Variants in MLLT10 observed in about 807,000 individuals in gnomAD.
The protein encoded by MLLT10 is MLLT10 histone lysine methyltransferase DOT1L cofactor.
In MLLT10, 30 loss-of-function variants were observed where a neutral mutation model predicts 129.1. That is an observed-to-expected ratio of 0.23 (90% confidence interval 0.17 to 0.32). MLLT10 has a LOEUF of 0.32. Among genes scored for constraint, MLLT10 ranks in the 10% least tolerant of loss-of-function variants. The pLI is 1.00. For synonymous variants in MLLT10, 490 were observed against 446.4 expected, an observed-to-expected ratio of 1.10 and a Z score of -1.23; for missense variants, 1,119 against 1,268.3, an observed-to-expected ratio of 0.88 and a Z score of 1.79.
At chr10:21,576,995 C>G (rs773603407) in intron 3 of MLLT10, among the ~76,000 whole-genome samples, 3 of 152,176 alleles carry the variant, frequency 2.0e-5, no homozygotes, top group Non-Finnish European at 4.4e-5. Flanking sequence ...TGTATCCCCT[C>G]AAGAAGAAGC....
At position 21,740,227 on chromosome 10, in the gene MLLT10, G is replaced by A. The variant is rs2058711884; in HGVS notation, c.3153G>A (p.Gln1051=). ...FLTIHGDNAS[Q]KVARLSDKTG... is the part of the protein sequence containing the mutation. The stretch of plus-strand genomic sequence containing the variant: ...CCATCCATGGAGATAATGCAAGTCA[G>A]AAAGTAGCAGTAAGTATATTTTCCT... Residue 1051 remains glutamine, a synonymous_variant, in exon 22 of 23, where the codon CAG becomes CAA. Coordinates refer to ENST00000307729, the MANE Select transcript of MLLT10 (RefSeq NM_001195626.3). 2 of 1,613,972 alleles carry A rather than the reference G, an allele frequency of 1.2e-6. No homozygotes were observed. The highest frequency in any genetic ancestry group is 1.3e-5 in the African/African-American group (1 of 75,032).
At chr10:21,625,451 A>C in intron 8 of MLLT10, 2 of 967,246 alleles carry the variant, frequency 2.1e-6, no homozygotes, top group South Asian at 2.6e-5. Context: ...CTTAGCCATG[A>C]CTTCTGGATA....
chr10:21,686,943 A>G (rs2053359804), intron 13 of MLLT10, among the ~76,000 whole-genome samples: 1 of 152,184 alleles, frequency 6.6e-6, no homozygotes, highest in African/African-American at 2.4e-5. Flanking sequence ...AGATCGCGCC[A>G]CTGCATTCCA....
chr10:21,624,794 CT>C (rs2046261177), intron 8 of MLLT10: 4 of 1,073,154 alleles, frequency 3.7e-6, no homozygotes, highest in East Asian at 2.4e-5. Flanking sequence ...ACATTGTCCC[CT>C]GATTGCCCTG....
intron 3 of MLLT10, among the ~76,000 whole-genome samples, chr10:21,570,729 GTTTC>G (rs2040112030): frequency 6.6e-6 from 1 of 151,592 alleles, no homozygotes; most frequent in African/African-American, 2.4e-5. Context: ...TAATATATTT[GTTTC>G]TTCTAGCCTT....
At chr10:21,540,927 A>C (rs190387029) in intron 3 of MLLT10, among the ~76,000 whole-genome samples, 1 of 152,246 alleles carries the variant, frequency 6.6e-6, no homozygotes, top group Admixed American at 6.5e-5. Context: ...TGGGAGGCCA[A>C]AGTGGGTGGA....
At chr10:21,693,141 TTTTATAC>T (rs2054034674) in intron 13 of MLLT10, among the ~76,000 whole-genome samples, 1 of 152,206 alleles carries the variant, frequency 6.6e-6, no homozygotes. Context: ...TGACTCATAT[TTTTATAC>T]TTTATTTGAG....
At chr10:21,595,494 A>G (rs1292789286) in intron 5 of MLLT10, 54 bp downstream of exon 5, 8 of 1,403,306 alleles carry the variant, frequency 5.7e-6, no homozygotes, top group African/African-American at 1.4e-5. Flanking sequence ...GGAAGTAGAA[A>G]GGAAGTTTTT....
chr10:21,569,265 C>CT lies in MLLT10; in HGVS notation c.241-17021dup, dbSNP rs201544328. 8.4e-3 allele frequency among the ~76,000 whole-genome samples: 1,275 copies of CT among 151,746 alleles called. 8 individuals are homozygous for CT. Among genetic ancestry groups the CT allele is most frequent in the Non-Finnish European group, 0.015 (985 of 67,890 alleles). ...GCTGGTCCTGCTATTAGTATCATTC[C>CT]TTTTTTTTGAACATGATGTTGCTTT... On this transcript the variant is annotated intron_variant, in intron 3 of 22. Coordinates refer to ENST00000307729, the MANE Select transcript of MLLT10 (RefSeq NM_001195626.3).
At chr10:21,665,851 C>T (rs2050738312) in intron 9 of MLLT10, among the ~76,000 whole-genome samples, 1 of 152,016 alleles carries the variant, frequency 6.6e-6, no homozygotes, top group Non-Finnish European at 1.5e-5. Context: ...CCTCAGTCTC[C>T]TGATTAGCTG....
At chr10:21,632,207 A>G (rs921540646) in intron 8 of MLLT10, among the ~76,000 whole-genome samples, 54 of 152,320 alleles carry the variant, frequency 3.5e-4, no homozygotes, top group African/African-American at 1.3e-3. Context: ...GTGTGCATCA[A>G]TTAATTGGCA....
At chr10:21,545,756 T>C (rs2035965179) in intron 3 of MLLT10, among the ~76,000 whole-genome samples, 2 of 152,246 alleles carry the variant, frequency 1.3e-5, no homozygotes, top group Non-Finnish European at 2.9e-5. Context: ...AACATCGAAC[T>C]CTGGGGCTCA....
intron 8 of MLLT10, among the ~76,000 whole-genome samples, chr10:21,628,408 A>C (rs544078241): frequency 6.6e-6 from 1 of 150,660 alleles, no homozygotes; most frequent in African/African-American, 2.4e-5. Flanking sequence ...TAAAGGCCAG[A>C]CTAAAGCTGA....
intron 13 of MLLT10, 50 bp from the exon 14 acceptor site, chr10:21,713,722 G>T: frequency 6.5e-7 from 1 of 1,532,562 alleles, no homozygotes; most frequent in Non-Finnish European, 8.9e-7. Context: ...GTGTGTCTGT[G>T]ACAAATTTGA....
At chr10:21,610,984 C>CTTTTTTTTTTTTTTTTTTTTTTCTTTT (rs71393913) in intron 5 of MLLT10, among the ~76,000 whole-genome samples, 7 of 102,872 alleles carry the variant, frequency 6.8e-5, no homozygotes, top group South Asian at 3.6e-4. Flanking sequence ...TCTTTTTTCT[C>CTTTTTTTTTTTTTTTTTTTTTTCTTTT]TTTTTTTTTT....
chr10:21,730,111 ACCTCCCCCACCGCCG>A lies in MLLT10; in HGVS notation c.2064-781_2064-767del, dbSNP rs540699669. 2.4e-4 allele frequency among the ~76,000 whole-genome samples: 37 copies of A among 151,422 alleles called. No individual in the cohort carries two copies. In the South Asian group the frequency reaches 7.2e-3, roughly 29 times the overall value. On this transcript the variant is annotated intron_variant, in intron 16 of 22. Coordinates refer to ENST00000307729, the MANE Select transcript of MLLT10 (RefSeq NM_001195626.3). Reference sequence around the variant, plus strand: ...GGTGAAACTCCGTCTCCCCTGCCCAACCTCCCCCACCGCCGCCTCCCCGCCCAAAAAAAAGCTGTG... The same window carrying A: ...GGTGAAACTCCGTCTCCCCTGCCCAACCTCCCCGCCCAAAAAAAAGCTGTG...
chr10:21,734,595 G>A (rs1367475168), intron 20 of MLLT10, among the ~76,000 whole-genome samples: 1 of 152,146 alleles, frequency 6.6e-6, no homozygotes, highest in Non-Finnish European at 1.5e-5. Flanking sequence ...TTGAATGTTT[G>A]TTCAAAACTA....
At chr10:21,712,295 C>T (rs571517219) in intron 13 of MLLT10, among the ~76,000 whole-genome samples, 1 of 152,100 alleles carries the variant, frequency 6.6e-6, no homozygotes, top group South Asian at 2.1e-4. Context: ...TTCACTACAA[C>T]CTTGAACTTC....
rs536302395 is a variant in MLLT10, at chr10:21,665,619, A to G, written c.796-4830A>G. Among the ~76,000 whole-genome samples, 4 of 152,060 alleles carry G rather than the reference A, an allele frequency of 2.6e-5. No homozygotes were observed. In the South Asian group the frequency reaches 6.2e-4, roughly 24 times the overall value. ...GGTTTTTTTAAGGCAGCGTATAGTC[A>G]TGTTATGAGTTTATTCATTCATTGT... On this transcript the variant is annotated intron_variant, in intron 9 of 22. Coordinates refer to ENST00000307729, the MANE Select transcript of MLLT10 (RefSeq NM_001195626.3).
Sources: allele counts gnomAD v4.1 joint callset (sites outside exome capture counted in the v4.1 genomes callset), GRCh38; gene constraint gnomAD v4.1.1; transcripts MANE v1.5; gene names NCBI Gene and HGNC (gene_info 2026-07-23, HGNC 2026-07-21).